The following GRAMD1C variants were observed in gnomAD, a reference collection of about 807,000 sequenced individuals.
GRAMD1C encodes the protein protein Aster-C.
GRAMD1C carries 89 observed loss-of-function variants against 97.8 expected under a neutral mutation model. The ratio of observed to expected loss-of-function variants is 0.91; its 90% CI spans 0.77 to 1.09. The LOEUF is 1.09. Among genes scored for constraint, GRAMD1C ranks in the 50% least tolerant of loss-of-function variants. GRAMD1C has a pLI of 0.00. For synonymous variants in GRAMD1C, 256 were observed against 267.0 expected (o/e 0.96, Z 0.40); for missense variants, 740 against 766.4 (o/e 0.97, Z 0.41).
upstream of GRAMD1C, among the ~76,000 whole-genome samples, chr3:113,835,372 A>ATTT (rs1709618364): frequency 6.6e-6 from 1 of 152,230 alleles, no homozygotes; most frequent in South Asian, 2.1e-4. Context: ...AAATATATCA[A>ATTT]TGCTCTTCAG....
chr3:113,872,463 C>T lies in GRAMD1C; in HGVS notation c.259+2872C>T, dbSNP rs181071340. Among the ~76,000 whole-genome samples, 661 of 139,790 alleles carry T rather than the reference C, an allele frequency of 4.7e-3. 9 individuals are homozygous for T. The highest frequency in any genetic ancestry group is 0.017 in the African/African-American group (620 of 36,300). 91.7% of individuals were successfully genotyped at this position (139,790 alleles called of 152,430 possible). ...AGACTGGAGTGCAGTGGTGTGATCT[C>T]GGCTCACTGCAACCTCCACCTCCCA... On this transcript the variant is annotated intron_variant, in intron 3 of 17. Coordinates refer to ENST00000358160, the MANE Select transcript of GRAMD1C (RefSeq NM_017577.5).
chr3:113,845,258 A>G (rs1933559025), intron 2 of GRAMD1C, among the ~76,000 whole-genome samples: 1 of 152,198 alleles, frequency 6.6e-6, no homozygotes, highest in South Asian at 2.1e-4. Context: ...GCTAACATTT[A>G]TTATATTAAA....
rs530228744 is a variant in GRAMD1C at position 113,933,390 on chromosome 3, A to G, written c.1210-121A>G. 40 of 673,586 alleles carry G rather than the reference A, an allele frequency of 5.9e-5. 1 individual carries two copies. In the African/African-American group the frequency reaches 6.0e-4, roughly 10 times the overall value. The allele number at this position is 673,586 out of a possible 1,614,324, so 41.7% of individuals were successfully genotyped here. On this transcript the variant is annotated intron_variant, in intron 11 of 17. Transcript: ENST00000358160. Reference sequence around the variant, plus strand: ...CATGTAGGCTCTTTTAGCTTTGTATATAGGTTTCTCATGTTTTTTGTAATT... The same window carrying G: ...CATGTAGGCTCTTTTAGCTTTGTATGTAGGTTTCTCATGTTTTTTGTAATT...
At chr3:113,853,701 C>G (rs1057473958) in intron 2 of GRAMD1C, among the ~76,000 whole-genome samples, 2 of 152,138 alleles carry the variant, frequency 1.3e-5, no homozygotes, top group African/African-American at 4.8e-5. Context: ...GGGAGCCGGA[C>G]AGCATATAAC....
rs146344908 is a variant in GRAMD1C at position 113,933,579 on chromosome 3, C to T, written c.1278C>T (p.Val426=). The T allele has an allele frequency of 4.4e-6, 7 of 1,601,022 alleles. No individual in the cohort carries two copies. The highest frequency in any genetic ancestry group is 5.1e-6 in the Non-Finnish European group (6 of 1,168,132). Residue 426 remains valine, a synonymous_variant, in exon 12 of 18, where the codon GTC becomes GTT. Transcript: ENST00000358160. ...LVDSEVLTHD[V]PYHDYFYTVN... The stretch of plus-strand genomic sequence containing the variant: ...ATTCAGAAGTACTGACACATGATGT[C>T]CCCTACCATGATTACTTCTATACCG...
intron 1 of GRAMD1C, among the ~76,000 whole-genome samples, chr3:113,833,120 CTTT>C (rs200062835): frequency 1.7e-4 from 22 of 129,454 alleles, no homozygotes; most frequent in Non-Finnish European, 2.9e-4. Flanking sequence ...TTCTTTCTTT[CTTT>C]TTTTTTTTTT....
At chr3:113,883,999 T>G (rs1415326166) in intron 6 of GRAMD1C, among the ~76,000 whole-genome samples, 1 of 152,062 alleles carries the variant, frequency 6.6e-6, no homozygotes, top group Non-Finnish European at 1.5e-5. Context: ...AATATATAAT[T>G]AGCAAAAAAT....
chr3:113,866,046 G>A (rs914417265), intron 2 of GRAMD1C, among the ~76,000 whole-genome samples: 5 of 152,164 alleles, frequency 3.3e-5, no homozygotes, highest in African/African-American at 9.6e-5. Flanking sequence ...TGAAAAAAAT[G>A]TGTATTTTGC....
exon 1 of GRAMD1C, chr3:113,828,270 G>A (rs1709512708): frequency 6.6e-6 from 1 of 152,224 alleles, no homozygotes; most frequent in Non-Finnish European, 1.5e-5. Context: ...AGTACCAGGT[G>A]CCCGGCCATG....
intron 5 of GRAMD1C, among the ~76,000 whole-genome samples, chr3:113,880,441 T>C (rs75283103): frequency 0.023 from 3,451 of 152,268 alleles, 59 homozygotes; most frequent in Non-Finnish European, 0.033. Flanking sequence ...CAACATTATC[T>C]CTTGTAGTTG....
intron 2 of GRAMD1C, among the ~76,000 whole-genome samples, chr3:113,857,742 A>G (rs1934207016): frequency 2.0e-5 from 3 of 152,150 alleles, no homozygotes; most frequent in Admixed American, 1.3e-4. Context: ...TATTATTCCT[A>G]TATCAAGTGA....
Position 113,909,042 on chromosome 3 carries a change from C to T in GRAMD1C, c.874C>T (p.Pro292Ser). 3 of 1,561,300 alleles carry T rather than the reference C, an allele frequency of 1.9e-6. No individual in the cohort carries two copies. Among genetic ancestry groups the T allele is most frequent in the Non-Finnish European group, 2.6e-6 (3 of 1,148,594 alleles). ...PTLEKKLTRV[P>S]SKSLDLNKNE... The stretch of plus-strand genomic sequence containing the variant: ...TTTGGAAAAGAAGTTAACTAGAGTG[C>T]CATCAAAGTCACTGGACTTGAATAA... Residue 292 changes from proline (P) to serine (S), a missense_variant, in exon 9 of 18, where the codon CCA (proline) becomes TCA (serine). Physicochemically the swap from Pro to Ser is moderately conservative, Grantham distance 74 (BLOSUM62 -1). Coordinates refer to ENST00000358160, the MANE Select transcript of GRAMD1C (RefSeq NM_017577.5).
At chr3:113,886,991 AG>A (rs1356372549) in intron 6 of GRAMD1C, among the ~76,000 whole-genome samples, 1 of 151,078 alleles carries the variant, frequency 6.6e-6, no homozygotes, top group East Asian at 1.9e-4. Context: ...CATGTTGGCC[AG>A]GATGGTCTCA....
At chr3:113,850,196 C>G in intron 2 of GRAMD1C, 1 of 445,204 alleles carries the variant, frequency 2.2e-6, no homozygotes, top group Non-Finnish European at 4.3e-6. Context: ...TTTTTTTTTG[C>G]TGTACGTTTA....
chr3:113,919,282 G>A, intron 10 of GRAMD1C: 1 of 456,334 alleles, frequency 2.2e-6, no homozygotes, highest in South Asian at 1.6e-5. Context: ...TTTAATGATG[G>A]AGAAGCCAGG....
intron 14 of GRAMD1C, 46 bp from the exon 15 acceptor site, chr3:113,938,040 A>G (rs371052493): frequency 5.3e-5 from 51 of 960,326 alleles, no homozygotes; most frequent in Middle Eastern, 2.1e-4. Context: ...GATCAGTTGT[A>G]ATCACAATTC....
intron 7 of GRAMD1C, among the ~76,000 whole-genome samples, chr3:113,902,896 C>T (rs1386199733): frequency 6.6e-6 from 1 of 152,036 alleles, no homozygotes; most frequent in Non-Finnish European, 1.5e-5. Flanking sequence ...CCTGCCTCGG[C>T]CTCCCAAAGT....
At chr3:113,910,977 A>G (rs933017948) in intron 9 of GRAMD1C, among the ~76,000 whole-genome samples, 1 of 152,166 alleles carries the variant, frequency 6.6e-6, no homozygotes, top group African/African-American at 2.4e-5. Context: ...AGCTTAAGCA[A>G]CAGAAATTTA....
At chr3:113,913,243 A>C (rs1936672438) in intron 9 of GRAMD1C, 1 of 480,386 alleles carries the variant, frequency 2.1e-6, no homozygotes, top group African/African-American at 2.0e-5. Flanking sequence ...AAGTAGTTTC[A>C]GCTGGATGTG....
Sources: allele counts gnomAD v4.1 joint callset (sites outside exome capture counted in the v4.1 genomes callset), GRCh38; gene constraint gnomAD v4.1.1; transcripts MANE v1.5; gene names NCBI Gene and HGNC (gene_info 2026-07-23, HGNC 2026-07-21).